The following MAS1 variants were observed in gnomAD, a reference collection of about 807,000 sequenced individuals.
The protein encoded by MAS1 is proto-oncogene Mas.
For missense variants in MAS1, 387 were observed against 409.7 expected (o/e 0.94, Z 0.48); for synonymous variants, 163 against 164.2 (o/e 0.99, Z 0.05).
intron 2 of MAS1, among the ~76,000 whole-genome samples, chr6:159,905,478 G>A (rs979107394): frequency 4.6e-5 from 7 of 152,184 alleles, no homozygotes; most frequent in African/African-American, 1.2e-4. Context: ...TTGGGACCAC[G>A]GAGGCAGTGT....
chr6:159,907,563 T>G lies in MAS1; in HGVS notation c.608T>G (p.Met203Arg), dbSNP rs1459346593. The G allele has an allele frequency of 6.2e-7, 1 of 1,614,100 alleles. No individual in the cohort carries two copies. Among genetic ancestry groups the G allele is most frequent in the Non-Finnish European group, 8.5e-7 (1 of 1,180,016 alleles). Reference sequence around the variant, plus strand: ...AGCTTCCTGGTCTTCACGCCCCTCATGCTGGTGTCCAGCACCATCTTGGTC... The same window carrying G: ...AGCTTCCTGGTCTTCACGCCCCTCAGGCTGGTGTCCAGCACCATCTTGGTC... Reference protein sequence around the residue: ...ILSFLVFTPLMLVSSTILVVK... With the variant: ...ILSFLVFTPLRLVSSTILVVK... The change falls in exon 3 of 3, where the codon ATG (methionine) becomes AGG (arginine). Residue 203 changes from methionine (M) to arginine (R), a missense_variant. Coordinates refer to ENST00000674077, the MANE Select transcript of MAS1 (RefSeq NM_002377.4).
chr6:159,890,355 A>G (rs1782682791), upstream of MAS1, among the ~76,000 whole-genome samples: 1 of 152,222 alleles, frequency 6.6e-6, no homozygotes, highest in South Asian at 2.1e-4. Context: ...TAACAGAAAC[A>G]GCTACTCCCA....
At chr6:159,891,770 A>G (rs1410680776) in intron 1 of MAS1, among the ~76,000 whole-genome samples, 1 of 152,182 alleles carries the variant, frequency 6.6e-6, no homozygotes, top group Non-Finnish European at 1.5e-5. Context: ...CTTCCCAGCC[A>G]GGATACTTAG....
intron 1 of MAS1, among the ~76,000 whole-genome samples, chr6:159,898,697 C>CCTCCCTCCTCCTTCCT (rs1782789939): frequency 3.5e-4 from 14 of 40,328 alleles, no homozygotes; most frequent in African/African-American, 4.7e-4. Context: ...TCTTCCTCCT[C>CCTCCCTCCTCCTTCCT]CTTCATCCTC....
Position 159,915,352 on chromosome 6 carries a change from TA to T in MAS1, c.*7421del, listed in dbSNP as rs1783010319. Reference sequence around the variant, plus strand: ...AACCTATAAATCCCAAATTTATTTATAATAGACAATCTTGACAGATTAGGTA... The same window carrying T: ...AACCTATAAATCCCAAATTTATTTATATAGACAATCTTGACAGATTAGGTA... On this transcript the variant is annotated 3_prime_UTR_variant, in exon 3 of 3. Transcript: ENST00000674077. The T allele has an allele frequency of 6.6e-6, 1 of 152,274 alleles. No individual in the cohort carries two copies. The highest frequency in any genetic ancestry group is 2.4e-5 in the African/African-American group (1 of 41,462). The allele number at this position is 152,274 out of a possible 1,614,324, so 9.4% of individuals were successfully genotyped here. A position where few individuals can be genotyped will look rare whatever the true frequency, so the allele number is the denominator to read the frequency against.
intron 2 of MAS1, among the ~76,000 whole-genome samples, chr6:159,904,732 G>A (rs1029663370): frequency 6.6e-6 from 1 of 152,114 alleles, no homozygotes; most frequent in African/African-American, 2.4e-5. Context: ...TATCTCACTG[G>A]GGGTAAAAGC....
intron 1 of MAS1, among the ~76,000 whole-genome samples, chr6:159,892,055 A>G (rs1332147019): frequency 6.6e-6 from 1 of 152,162 alleles, no homozygotes; most frequent in Non-Finnish European, 1.5e-5. Flanking sequence ...TTAGGGGACA[A>G]AATCACCTTC....
At chr6:159,906,812 T>G in intron 2 of MAS1, 108 bp from the exon 3 acceptor site, 1 of 906,856 alleles carries the variant, frequency 1.1e-6, no homozygotes, top group Non-Finnish European at 1.6e-6. Flanking sequence ...GTTAAACTTT[T>G]TTTTAATAAC....
At chr6:159,897,767 T>C (rs1782770027) in intron 1 of MAS1, among the ~76,000 whole-genome samples, 1 of 152,220 alleles carries the variant, frequency 6.6e-6, no homozygotes. Flanking sequence ...TAATCATTTT[T>C]TTGATGGCAG....
intron 1 of MAS1, among the ~76,000 whole-genome samples, chr6:159,898,522 T>TC (rs1562309833): frequency 9.1e-6 from 1 of 109,938 alleles, no homozygotes; most frequent in African/African-American, 3.7e-5. Flanking sequence ...TCCTCCTCCT[T>TC]CTTCCTCCTC....
rs10214855 is a variant in MAS1, at chr6:159,911,681, G to A, written c.*3748G>A. On this transcript the variant is annotated 3_prime_UTR_variant, in exon 3 of 3. Coordinates refer to ENST00000674077, the MANE Select transcript of MAS1 (RefSeq NM_002377.4). ...CTGGAAGCTGAGTTCCTGGATAACC[G>A]TGCCATACCTTTTCTTTCCCAGACT... 41,986 of 151,876 alleles carry A rather than the reference G, an allele frequency of 0.28. 6,477 individuals carry two copies. Among genetic ancestry groups the A allele is most frequent in the East Asian group, 0.66 (3,370 of 5,128 alleles). The allele number at this position is 151,876 out of a possible 1,614,324, so 9.4% of individuals were successfully genotyped here. A position where few individuals can be genotyped will look rare whatever the true frequency, so the allele number is the denominator to read the frequency against.
At chr6:159,893,587 A>G (rs1179775974) in intron 1 of MAS1, among the ~76,000 whole-genome samples, 3 of 152,084 alleles carry the variant, frequency 2.0e-5, no homozygotes, top group African/African-American at 4.8e-5. Context: ...GAGAGGGAGA[A>G]AACTCAAATG....
intron 1 of MAS1, among the ~76,000 whole-genome samples, chr6:159,891,918 C>A (rs533504618): frequency 6.6e-6 from 1 of 152,252 alleles, no homozygotes; most frequent in African/African-American, 2.4e-5. Context: ...TAATTCTTTG[C>A]CGTGTGGGCT....
intron 2 of MAS1, among the ~76,000 whole-genome samples, chr6:159,904,616 A>G (rs1376126426): frequency 6.6e-6 from 1 of 152,140 alleles, no homozygotes. Flanking sequence ...CCTTCCTGCC[A>G]TGGCCCCTAG....
At position 159,911,600 on chromosome 6, in the gene MAS1, C is replaced by G. The variant is rs1782965842; in HGVS notation, c.*3667C>G. The G allele has an allele frequency of 1.3e-5, 2 of 152,050 alleles. No homozygotes were observed. Among genetic ancestry groups the G allele is most frequent in the South Asian group, 4.2e-4 (2 of 4,810 alleles). 9.4% of individuals were successfully genotyped at this position (152,050 alleles called of 1,614,324 possible). A position where few individuals can be genotyped will look rare whatever the true frequency, so the allele number is the denominator to read the frequency against. Reference sequence around the variant, plus strand: ...ACTGCTCTACCTTTTTTTAATCTAGCAAACTCCATTTATCCATCTACGTCC... The same window carrying G: ...ACTGCTCTACCTTTTTTTAATCTAGGAAACTCCATTTATCCATCTACGTCC... On this transcript the variant is annotated 3_prime_UTR_variant, in exon 3 of 3. Transcript: ENST00000674077.
At chr6:159,904,413 G>C (rs139040348) in intron 2 of MAS1, among the ~76,000 whole-genome samples, 2 of 151,962 alleles carry the variant, frequency 1.3e-5, no homozygotes, top group African/African-American at 4.8e-5. Flanking sequence ...CTGCTAACCC[G>C]CTTCACCTGC....
intron 1 of MAS1, among the ~76,000 whole-genome samples, chr6:159,897,735 T>A (rs1014855173): frequency 4.6e-5 from 7 of 152,100 alleles, no homozygotes; most frequent in African/African-American, 1.7e-4. Context: ...CTGTTATAAT[T>A]TTTGCAAAGG....
rs1359185023 is a variant in MAS1, at chr6:159,917,002, T to G, written c.*9069T>G. The stretch of plus-strand genomic sequence containing the variant: ...AAAATGTAAAAAAACTATTCTCAGC[T>G]TGTGGGTTTTACAAAAACAGGTGGC... On this transcript the variant is annotated 3_prime_UTR_variant, in exon 3 of 3. Transcript: ENST00000674077. Among the ~76,000 whole-genome samples the G allele has an allele frequency of 6.6e-6, 1 of 152,274 alleles. No homozygotes were observed. Among genetic ancestry groups the G allele is most frequent in the African/African-American group, 2.4e-5 (1 of 41,484 alleles).
At chr6:159,900,569 C>T (rs1424135647) in intron 2 of MAS1, among the ~76,000 whole-genome samples, 3 of 152,148 alleles carry the variant, frequency 2.0e-5, no homozygotes, top group Non-Finnish European at 2.9e-5. Flanking sequence ...GATTATGATT[C>T]GTTTTTGAAT....
Sources: allele counts gnomAD v4.1 joint callset (sites outside exome capture counted in the v4.1 genomes callset), GRCh38; gene constraint gnomAD v4.1.1; transcripts MANE v1.5; gene names NCBI Gene and HGNC (gene_info 2026-07-23, HGNC 2026-07-21).